MCTP2: variants seen among roughly 807,000 people sequenced by gnomAD.
The protein encoded by MCTP2 is multiple C2 and transmembrane domain-containing protein 2.
Under a neutral mutation model 111.6 loss-of-function variants are expected in MCTP2, and 132 were observed. The ratio of observed to expected loss-of-function variants is 1.18; its 90% confidence interval spans 1.03 to 1.37. The LOEUF is 1.37. Ranked by LOEUF, MCTP2 falls within the 40% of genes most tolerant of loss-of-function variation. MCTP2 has a pLI of 0.00. For missense variants in MCTP2, 1,183 were observed against 1,067.9 expected (o/e 1.11, Z -1.50); for synonymous variants, 395 against 387.7 (o/e 1.02, Z -0.22).
At chr15:94,389,563 T>C (rs78016825) in intron 14 of MCTP2, among the ~76,000 whole-genome samples, 3,070 of 152,250 alleles carry the variant, frequency 0.02, 112 homozygotes, top group African/African-American at 0.07. Context: ...AGATTTCATA[T>C]TGTGTGCTTC....
intron 1 of MCTP2, among the ~76,000 whole-genome samples, chr15:94,249,555 A>G (rs1460841622): frequency 1.3e-5 from 2 of 150,470 alleles, no homozygotes; most frequent in Non-Finnish European, 3.0e-5. Context: ...GCGCGATCTC[A>G]GCTCACTGCA....
rs765224012 is a variant in MCTP2 at position 94,440,172 on chromosome 15, T to C, written c.2086-4T>C. 1 of 1,613,842 alleles carries C rather than the reference T, an allele frequency of 6.2e-7. No individual in the cohort carries two copies. The highest frequency in any genetic ancestry group is 1.7e-5 in the Admixed American group (1 of 60,008). ...TCGTGTATTCTTATTTGTCTTTCAA[T>C]CAGGTATTTTTGATCACTGTCTGGA... On this transcript the variant is annotated splice_region_variant and splice_polypyrimidine_tract_variant and intron_variant, in intron 17 of 22. Transcript: ENST00000357742.
rs554880908 is a variant in MCTP2 at position 94,251,310 on chromosome 15, A to G, written c.-66+19646A>G. 2.6e-5 allele frequency among the ~76,000 whole-genome samples: 4 copies of G among 151,872 alleles called. No individual in the cohort carries two copies. The South Asian group carries it at 8.3e-4, about 32-fold the overall frequency. On this transcript the variant is annotated intron_variant, in intron 1 of 22. Transcript: ENST00000357742. ...TGGCTTAAAATTAATAAATTTTGTC[A>G]TTTTTATGTTTTCTTAATCATCCTA...
intron 20 of MCTP2, among the ~76,000 whole-genome samples, chr15:94,465,448 A>G (rs1439023739): frequency 6.6e-6 from 1 of 152,198 alleles, no homozygotes; most frequent in Non-Finnish European, 1.5e-5. Context: ...TGGTAAGATA[A>G]TGTAATAAAA....
At chr15:94,434,353 C>T (rs1287488505) in intron 17 of MCTP2, among the ~76,000 whole-genome samples, 1 of 151,452 alleles carries the variant, frequency 6.6e-6, no homozygotes, top group Non-Finnish European at 1.5e-5. Flanking sequence ...GCTGAGATTA[C>T]AGGGGTGAGC....
intron 4 of MCTP2, among the ~76,000 whole-genome samples, chr15:94,327,404 C>G (rs770278233): frequency 6.6e-6 from 1 of 152,214 alleles, no homozygotes; most frequent in Non-Finnish European, 1.5e-5. Flanking sequence ...CCTGCTTCAA[C>G]AATTTCTCTT....
intron 16 of MCTP2, among the ~76,000 whole-genome samples, chr15:94,400,464 C>T (rs955152110): frequency 1.3e-5 from 2 of 152,070 alleles, no homozygotes; most frequent in East Asian, 1.9e-4. Flanking sequence ...ACCACTTCGG[C>T]GTGGTCTAAA....
At chr15:94,283,361 G>A (rs1048064990) in intron 1 of MCTP2, among the ~76,000 whole-genome samples, 2 of 152,190 alleles carry the variant, frequency 1.3e-5, no homozygotes, top group Non-Finnish European at 2.9e-5. Flanking sequence ...AAGCCTTGGG[G>A]GGTGGGCTTT....
chr15:94,328,183 C>T lies in MCTP2; in HGVS notation c.638-11107C>T, dbSNP rs2076967112. On this transcript the variant is annotated intron_variant, in intron 4 of 22. Transcript: ENST00000357742. ...TTGCTCTGTCACCCAGGCTGGAGTG[C>T]AGTGGCGTGATCTCGGCTCACTGCA... is the stretch of plus-strand genomic sequence containing the variant. Among the ~76,000 whole-genome samples, 5 of 149,102 alleles carry T rather than the reference C, an allele frequency of 3.4e-5. No homozygotes were observed. In the Admixed American group the frequency reaches 3.4e-4, roughly 10 times the overall value.
chr15:94,240,076 T>G (rs1198842389), intron 1 of MCTP2, among the ~76,000 whole-genome samples: 1 of 150,246 alleles, frequency 6.7e-6, no homozygotes, highest in Non-Finnish European at 1.5e-5. Flanking sequence ...GTTTTTTTTT[T>G]GTTTGTTTTG....
At chr15:94,363,164 T>G (rs925061877) in intron 10 of MCTP2, among the ~76,000 whole-genome samples, 1 of 152,168 alleles carries the variant, frequency 6.6e-6, no homozygotes, top group African/African-American at 2.4e-5. Flanking sequence ...TGACATTCAT[T>G]CTTTTGTGCG....
intron 9 of MCTP2, 89 bp from the exon 10 acceptor site, chr15:94,358,393 C>G: frequency 8.1e-7 from 1 of 1,236,748 alleles, no homozygotes; most frequent in Non-Finnish European, 1.1e-6. Context: ...TCTTGACCCT[C>G]TGCAGTTTAA....
At chr15:94,286,383 T>C (rs377336384) in intron 1 of MCTP2, among the ~76,000 whole-genome samples, 2 of 152,198 alleles carry the variant, frequency 1.3e-5, no homozygotes, top group East Asian at 3.8e-4. Flanking sequence ...TGACGTGATA[T>C]GAAATTTCCT....
intron 2 of MCTP2, among the ~76,000 whole-genome samples, chr15:94,303,451 C>T (rs2075740538): frequency 6.6e-6 from 1 of 152,000 alleles, no homozygotes; most frequent in Non-Finnish European, 1.5e-5. Context: ...TCTGCCTTTC[C>T]CAGCCCACTG....
chr15:94,244,022 T>C (rs1470428527), intron 1 of MCTP2, among the ~76,000 whole-genome samples: 1 of 146,910 alleles, frequency 6.8e-6, no homozygotes, highest in African/African-American at 2.5e-5. Flanking sequence ...TGTATACACA[T>C]ACGTATGTGT....
At chr15:94,460,480 A>T (rs1331469974) in intron 20 of MCTP2, among the ~76,000 whole-genome samples, 1 of 152,160 alleles carries the variant, frequency 6.6e-6, no homozygotes, top group Non-Finnish European at 1.5e-5. Context: ...CAGTGGAAGA[A>T]AGTTCAGTGA....
At position 94,483,506 on chromosome 15, in the gene MCTP2, T is replaced by C. The variant is rs1029502032; in HGVS notation, c.*4472T>C. 6.6e-6 allele frequency: 1 copy of C among 152,216 alleles called. No homozygotes were observed. The highest frequency in any genetic ancestry group is 2.4e-5 in the African/African-American group (1 of 41,462). 9.4% of individuals were successfully genotyped at this position (152,216 alleles called of 1,614,324 possible). A position where few individuals can be genotyped will look rare whatever the true frequency, so the allele number is the denominator to read the frequency against. The stretch of plus-strand genomic sequence containing the variant: ...AAGAAAATGTGGTAGAGGTACACCA[T>C]GGAATACTATGCAGCCATAAAAAAG... On this transcript the variant is annotated 3_prime_UTR_variant, in exon 23 of 23. Transcript: ENST00000357742.
chr15:94,287,980 T>A (rs939725426), intron 1 of MCTP2, among the ~76,000 whole-genome samples: 7 of 152,170 alleles, frequency 4.6e-5, no homozygotes, highest in Non-Finnish European at 8.8e-5. Flanking sequence ...CTCACTTTTG[T>A]CATGCCCCGG....
At chr15:94,276,048 G>A (rs538373199) in intron 1 of MCTP2, among the ~76,000 whole-genome samples, 3 of 152,078 alleles carry the variant, frequency 2.0e-5, no homozygotes, top group South Asian at 4.1e-4. Flanking sequence ...ATTTCACCGT[G>A]TTAGCCAGGA....
Sources: gnomAD v4.1 joint callset for allele counts (sites outside exome capture counted in the v4.1 genomes callset) on GRCh38, gnomAD v4.1.1 for gene constraint, MANE v1.5 for transcripts, NCBI Gene and HGNC (gene_info 2026-07-23, HGNC 2026-07-21) for gene names.